The following C16orf90 variants were observed in gnomAD, a reference collection of about 807,000 sequenced individuals.
C16orf90 encodes the protein chromosome 16 open reading frame 90, also known as uncharacterized protein C16orf90.
In C16orf90, 17 loss-of-function variants were observed where a neutral mutation model predicts 17.1. The ratio of observed to expected loss-of-function variants is 1.00; its 90% CI spans 0.68 to 1.49. The LOEUF (loss-of-function observed/expected upper bound fraction) is 1.49, where lower values mean the gene tolerates loss of function less well. C16orf90 is among the 40% of genes most tolerant of loss of function. The pLI is 0.00. For missense variants in C16orf90, 255 were observed against 235.5 expected (o/e 1.08, Z -0.54); for synonymous variants, 108 against 95.8 (o/e 1.13, Z -0.75).
rs2151031998 is a variant in C16orf90, at chr16:3,494,611, G to A, written c.313C>T (p.Leu105=). 1.9e-6 allele frequency: 3 copies of A among 1,612,774 alleles called. No homozygotes were observed. In the East Asian group the frequency reaches 6.7e-5, roughly 36 times the overall value. The part of the protein sequence containing the change: ...QPEGTAWALD[L]PQGTLGPRNS... ...CGTGGGCCCAGAGTCCCCTGTGGCA[G>A]GTCCAGGGCCCAGGCTGTGCCCTCA... is the stretch of plus-strand genomic sequence containing the variant. Residue 105 remains leucine, a synonymous_variant, in exon 2 of 3, where the codon CTG becomes TTG. Transcript: ENST00000437192.
At chr16:3,496,381 A>C, upstream of C16orf90, 1 of 1,183,756 alleles carries the variant, frequency 8.4e-7, no homozygotes, top group South Asian at 1.2e-5. Flanking sequence ...CCAACCGGCC[A>C]CCTCTGTCCG....
Position 3,495,482 on chromosome 16 carries a change from C to T in C16orf90, c.-61G>A, listed in dbSNP as rs1158946492. The T allele has an allele frequency of 1.9e-6, 3 of 1,583,950 alleles. No individual in the cohort carries two copies. The highest frequency in any genetic ancestry group is 1.7e-6 in the Non-Finnish European group (2 of 1,163,740). ...TTGGGTGCAGCAGGGCCCTGCTCTC[C>T]CCTGCCTAGGGGGTACATTGGCAGG... On this transcript the variant is annotated 5_prime_UTR_variant, in exon 1 of 3. Coordinates refer to ENST00000437192, the MANE Select transcript of C16orf90 (RefSeq NM_001080524.2).
At position 3,494,746 on chromosome 16, in the gene C16orf90, G is replaced by A. The variant is rs200041850; in HGVS notation, c.178C>T (p.Arg60Cys). ...TAGAGGCCCAGGCCCCGGAGGTGGC[G>A]CAGCCGGAAGTTCTTGGGCTTGCTT... ...QGSKPKNFRL[R>C]HLRGLGLYLE... The change falls in exon 2 of 3, where the codon CGC becomes TGC. Residue 60 changes from arginine to cysteine, a missense_variant. By Grantham distance (180) the Arg-to-Cys change is radical. Coordinates refer to ENST00000437192, the MANE Select transcript of C16orf90 (RefSeq NM_001080524.2). 2,124 of 1,603,748 alleles carry A rather than the reference G, an allele frequency of 1.3e-3. 31 individuals are homozygous for A. Among genetic ancestry groups the A allele is most frequent in the Non-Finnish European group, 1.9e-4 (218 of 1,176,064 alleles).
chr16:3,494,264 A>G (rs997062107), intron 2 of C16orf90, among the ~76,000 whole-genome samples: 1 of 152,116 alleles, frequency 6.6e-6, no homozygotes, highest in East Asian at 1.9e-4. Context: ...CCCCTCACCG[A>G]GTGTGGAGCT....
chr16:3,496,372 C>T (rs1596376970), upstream of C16orf90: 1 of 1,206,834 alleles, frequency 8.3e-7, no homozygotes, highest in Admixed American at 1.8e-5. Flanking sequence ...TGAGTCGCAC[C>T]AACCGGCCAC....
chr16:3,494,628 G>C lies in C16orf90; in HGVS notation c.296C>G (p.Thr99Arg). 1 of 1,612,024 alleles carries C rather than the reference G, an allele frequency of 6.2e-7. No individual in the cohort carries two copies. Among genetic ancestry groups the C allele is most frequent in the Non-Finnish European group, 8.5e-7 (1 of 1,179,712 alleles). The change falls in exon 2 of 3, where the codon ACA becomes AGA. Residue 99 changes from threonine (T) to arginine (R), a missense_variant. Physicochemically the swap from Thr to Arg is moderately conservative, Grantham distance 71. Coordinates refer to ENST00000437192, the MANE Select transcript of C16orf90 (RefSeq NM_001080524.2). ...AGGCLPQPEG[T>R]AWALDLPQGT... The stretch of plus-strand genomic sequence containing the variant: ...CTGTGGCAGGTCCAGGGCCCAGGCT[G>C]TGCCCTCAGGCTGTGGCAGGCAGCC...
In C16orf90 at chr16:3,494,896, G is replaced by C; in HGVS notation, c.47-19C>G. 6.7e-7 allele frequency: 1 copy of C among 1,483,930 alleles called. No individual in the cohort carries two copies. The highest frequency in any genetic ancestry group is 8.9e-7 in the Non-Finnish European group (1 of 1,118,970). 91.9% of individuals were successfully genotyped at this position (1,483,930 alleles called of 1,614,324 possible). A position where few individuals can be genotyped will look rare whatever the true frequency, so the allele number is the denominator to read the frequency against. ...ACTGCATCTGCAGAGGAGACAGCGGGAGGGTGGTGGCCAGCCCCCCACAGC... is the reference window on the plus strand; with the variant it reads ...ACTGCATCTGCAGAGGAGACAGCGGCAGGGTGGTGGCCAGCCCCCCACAGC... On this transcript the variant is annotated intron_variant, in intron 1 of 2. Transcript: ENST00000437192.
upstream of C16orf90, among the ~76,000 whole-genome samples, chr16:3,495,848 G>T (rs540525670): frequency 6.6e-6 from 1 of 152,292 alleles, no homozygotes; most frequent in African/African-American, 2.4e-5. Context: ...GCTCATGCCT[G>T]TAATCCCAGC....
chr16:3,494,672 C>T lies in C16orf90; in HGVS notation c.252G>A (p.Leu84=). ...PPTGQCESHW[L]GRLMAGGCLP... is the part of the protein sequence containing the mutation. ...GGCAGCCCCCAGCCATAAGCCGGCC[C>T]AGCCAGTGGCTCTCACACTGGCCAG... Residue 84 remains leucine, a synonymous_variant, in exon 2 of 3, where the codon CTG becomes CTA. Transcript: ENST00000437192. 3 of 1,611,480 alleles carry T rather than the reference C, an allele frequency of 1.9e-6. No individual in the cohort carries two copies. Among genetic ancestry groups the T allele is most frequent in the Non-Finnish European group, 2.5e-6 (3 of 1,179,596 alleles).
chr16:3,494,396 G>A (rs1004875604), intron 2 of C16orf90, 128 bp downstream of exon 2: 2 of 748,074 alleles, frequency 2.7e-6, no homozygotes, highest in Non-Finnish European at 2.2e-6. Context: ...GATTCATCAA[G>A]ATCTTGGCCT....
At chr16:3,495,172 C>T (rs892283761) in intron 1 of C16orf90, among the ~76,000 whole-genome samples, 1 of 152,294 alleles carries the variant, frequency 6.6e-6, no homozygotes, top group South Asian at 2.1e-4. Context: ...CTGCCCGCTA[C>T]CCTAGGAAGA....
chr16:3,494,853 C>T lies in C16orf90; in HGVS notation c.71G>A (p.Arg24His), dbSNP rs1329730003. 1.6e-5 allele frequency: 24 copies of T among 1,526,156 alleles called. No homozygotes were observed. The highest frequency in any genetic ancestry group is 4.2e-5 in the African/African-American group (3 of 71,972). The allele number at this position is 1,526,156 out of a possible 1,614,324, so 94.5% of individuals were successfully genotyped here. Residue 24 changes from arginine (R) to histidine (H), a missense_variant, in exon 2 of 3, where the codon CGC becomes CAC. Arg to His is a conservative substitution (Grantham distance 29, BLOSUM62 0). Transcript: ENST00000437192. ...REDAVSQAQG[R>H]PGHPDAPPNI... ...GGGGGGTGCGTCAGGGTGGCCGGGG[C>T]GTCCTTGGGCCTGGCTCACTGCATC... is the stretch of plus-strand genomic sequence containing the variant.
rs2037293480 is a variant in C16orf90, at chr16:3,495,341, CT to C, written c.46+34del. 2.5e-6 allele frequency: 4 copies of C among 1,583,834 alleles called. No homozygotes were observed. In the African/African-American group the frequency reaches 4.0e-5, roughly 16 times the overall value. On this transcript the variant is annotated intron_variant, in intron 1 of 2. Transcript: ENST00000437192. ...GGCCCAGGTGGGGACAGAAGCCTAT[CT>C]CTCTTCCTGCCACTCCTCCCCACAG...
chr16:3,496,269 C>T (rs910553390), upstream of C16orf90: 10 of 746,224 alleles, frequency 1.3e-5, no homozygotes, highest in Non-Finnish European at 2.4e-5. Flanking sequence ...GCCAGGATAT[C>T]TAACTGAGGC....
At chr16:3,495,594 G>A, upstream of C16orf90, 1 of 1,366,700 alleles carries the variant, frequency 7.3e-7, no homozygotes, top group Non-Finnish European at 9.7e-7. Flanking sequence ...CAGTGCCCAA[G>A]GCAAGGGCAG....
rs778756024 is a variant in C16orf90, at chr16:3,494,033, A to G, written c.401-46T>C. On this transcript the variant is annotated intron_variant, in intron 2 of 2. Transcript: ENST00000437192. ...GGAGTCACTTGAGGGACCCAAGGGG[A>G]GGCTGGGGGGGAGGCTGGCAGCCCA... 5 of 1,556,650 alleles carry G rather than the reference A, an allele frequency of 3.2e-6. No homozygotes were observed. In the African/African-American group the frequency reaches 5.4e-5, roughly 17 times the overall value.
rs202070785 is a variant in C16orf90, at chr16:3,494,566, G to C, written c.358C>G (p.Leu120Val). 7.3e-5 allele frequency: 117 copies of C among 1,612,898 alleles called. No individual in the cohort carries two copies. In the African/African-American group the frequency reaches 1.4e-3, roughly 19 times the overall value. Residue 120 changes from leucine (L) to valine (V), a missense_variant, in exon 2 of 3, where the codon CTT becomes GTT. Coordinates refer to ENST00000437192, the MANE Select transcript of C16orf90 (RefSeq NM_001080524.2). ...LGPRNSLCSA[L>V]LEARLPRDSL... is the part of the protein sequence containing the mutation. Reference sequence around the variant, plus strand: ...TCCCTGGGCAATCGGGCTTCCAGAAGGGCTGAACAGAGGCTGTTACGTGGG... The same window carrying C: ...TCCCTGGGCAATCGGGCTTCCAGAACGGCTGAACAGAGGCTGTTACGTGGG...
At chr16:3,495,936 C>A (rs1401782404), upstream of C16orf90, among the ~76,000 whole-genome samples, 1 of 152,018 alleles carries the variant, frequency 6.6e-6, no homozygotes, top group Non-Finnish European at 1.5e-5. Flanking sequence ...GTCAGGAGAT[C>A]GAGACCATCC....
At chr16:3,495,156 C>T (rs1201722905) in intron 1 of C16orf90, among the ~76,000 whole-genome samples, 4 of 152,208 alleles carry the variant, frequency 2.6e-5, no homozygotes, top group Non-Finnish European at 5.9e-5. Context: ...TTTCTACTAC[C>T]CTGTTCTGCC....
Sources: allele counts gnomAD v4.1 joint callset (sites outside exome capture counted in the v4.1 genomes callset), GRCh38; gene constraint gnomAD v4.1.1; transcripts MANE v1.5; gene names NCBI Gene and HGNC (gene_info 2026-07-23, HGNC 2026-07-21).